Variants in PCDHGA12 observed in about 807,000 individuals in gnomAD.
The protein encoded by PCDHGA12 is protocadherin gamma-A12.
PCDHGA12 carries 43 observed loss-of-function variants against 61.1 expected under a neutral mutation model. The observed-to-expected ratio is 0.70, with a 90% confidence interval of 0.55 to 0.91. PCDHGA12 has a LOEUF of 0.91. Among genes scored for constraint, PCDHGA12 ranks in the 40% least tolerant of loss-of-function variants. The pLI is 0.00. For missense variants in PCDHGA12, 1,236 were observed against 1,227.7 expected (o/e 1.01, Z -0.10); for synonymous variants, 520 against 542.9 (o/e 0.96, Z 0.59).
Position 141,432,683 on chromosome 5 carries a change from C to T in PCDHGA12, c.1924C>T (p.Leu642Phe), listed in dbSNP as rs138402830. The T allele has an allele frequency of 4.8e-5, 78 of 1,613,968 alleles. No individual in the cohort carries two copies. In the African/African-American group the frequency reaches 9.5e-4, roughly 20 times the overall value. The change falls in exon 1 of 4, where the codon CTC becomes TTC. Residue 642 changes from leucine (L) to phenylalanine (F), a missense_variant. Leu to Phe is a conservative substitution (Grantham distance 22). Transcript: ENST00000252085. The surrounding 1 kb of genome is among the most constrained non-coding windows in gnomAD (Gnocchi z 6.0). ...LLDRDALKQS[L>F]VVAVQDHGQP... ...GGACAGAGACGCGCTCAAGCAGAGC[C>T]TCGTAGTGGCCGTCCAGGACCACGG...
At chr5:141,465,318 A>G (rs1440554123) in intron 1 of PCDHGA12, among the ~76,000 whole-genome samples, 1 of 152,198 alleles carries the variant, frequency 6.6e-6, no homozygotes, top group Non-Finnish European at 1.5e-5. Flanking sequence ...AGCCATGTCA[A>G]TGCAGTATTT....
At chr5:141,492,710 G>A (rs11953270) in intron 1 of PCDHGA12, among the ~76,000 whole-genome samples, 27,341 of 152,278 alleles carry the variant, frequency 0.18, 2,647 homozygotes, top group Admixed American at 0.28. Flanking sequence ...GAAGCCTCGA[G>A]CAGGCGGACA....
intron 1 of PCDHGA12, among the ~76,000 whole-genome samples, chr5:141,444,463 G>T (rs570185430): frequency 6.6e-6 from 1 of 152,144 alleles, no homozygotes; most frequent in Admixed American, 6.5e-5. Flanking sequence ...GAGTCACTGC[G>T]CCCGGTCGCG....
chr5:141,489,530 G>A lies in PCDHGA12; in HGVS notation c.2425-5277G>A. 6.2e-7 allele frequency: 1 copy of A among 1,614,092 alleles called. No homozygotes were observed. Among genetic ancestry groups the A allele is most frequent in the Non-Finnish European group, 8.5e-7 (1 of 1,180,022 alleles). On this transcript the variant is annotated intron_variant, in intron 1 of 3. Transcript: ENST00000252085. This position sits in a 1 kb window ranked among gnomAD's most constrained non-coding sequence, Gnocchi z 4.5. ...AAGATTGACCGAGAAAGCCTATGTGGAGCCAGCACCAGCTGCCTGCTGCCA... is the reference window on the plus strand; with the variant it reads ...AAGATTGACCGAGAAAGCCTATGTGAAGCCAGCACCAGCTGCCTGCTGCCA...
intron 1 of PCDHGA12, among the ~76,000 whole-genome samples, chr5:141,484,685 T>G (rs2099599013): frequency 6.6e-6 from 1 of 151,934 alleles, no homozygotes; most frequent in Non-Finnish European, 1.5e-5. Flanking sequence ...TTGCTAGGGC[T>G]CAGGCTGTGG....
intron 3 of PCDHGA12, among the ~76,000 whole-genome samples, chr5:141,509,907 C>T (rs149338646): frequency 3.3e-5 from 5 of 152,182 alleles, no homozygotes; most frequent in South Asian, 2.1e-4. Context: ...TTCCAGCATG[C>T]GCTTAGGTAC....
intron 1 of PCDHGA12, among the ~76,000 whole-genome samples, chr5:141,472,980 C>CAAAAA (rs60579131): frequency 1.7e-4 from 15 of 86,092 alleles, no homozygotes; most frequent in East Asian, 4.1e-4. Context: ...GAGTGAAACT[C>CAAAAA]AAAAAAAAAA....
intron 1 of PCDHGA12, among the ~76,000 whole-genome samples, chr5:141,442,703 C>A (rs1405830887): frequency 6.6e-6 from 1 of 152,218 alleles, no homozygotes; most frequent in Admixed American, 6.5e-5. Flanking sequence ...ACAAGAGTAT[C>A]AGACATGCCA....
At position 141,476,789 on chromosome 5, in the gene PCDHGA12, T is replaced by C; in HGVS notation, c.2425-18018T>C. ...GTTGGACGGAGGGACCCCAGCTCTC[T>C]CCGCCAGCCTGCCTATTCACATCAA... On this transcript the variant is annotated intron_variant, in intron 1 of 3. Transcript: ENST00000252085. The surrounding 1 kb of genome is among the most constrained non-coding windows in gnomAD (Gnocchi z 7.6). 1.2e-6 allele frequency: 2 copies of C among 1,613,374 alleles called. No individual in the cohort carries two copies. The highest frequency in any genetic ancestry group is 4.5e-5 in the East Asian group (2 of 44,864).
chr5:141,491,648 T>G lies in PCDHGA12; in HGVS notation c.2425-3159T>G, dbSNP rs756792762. 1 of 1,613,834 alleles carries G rather than the reference T, an allele frequency of 6.2e-7. No individual in the cohort carries two copies. Among genetic ancestry groups the G allele is most frequent in the Non-Finnish European group, 8.5e-7 (1 of 1,180,002 alleles). On this transcript the variant is annotated intron_variant, in intron 1 of 3. Coordinates refer to ENST00000252085, the MANE Select transcript of PCDHGA12 (RefSeq NM_003735.3). This position sits in a 1 kb window ranked among gnomAD's most constrained non-coding sequence, Gnocchi z 6.9. Reference sequence around the variant, plus strand: ...GTTCAGCAGCCCACAGCTCTGGCGCTGGAGCCTGACGCCATCCGGTCCCGC... The same window carrying G: ...GTTCAGCAGCCCACAGCTCTGGCGCGGGAGCCTGACGCCATCCGGTCCCGC...
intron 1 of PCDHGA12, among the ~76,000 whole-genome samples, chr5:141,438,596 A>G (rs1303292978): frequency 2.8e-5 from 1 of 35,176 alleles, no homozygotes; most frequent in Non-Finnish European, 6.2e-5. Context: ...ACATACATAT[A>G]TATATATATA....
At position 141,490,712 on chromosome 5, in the gene PCDHGA12, A is replaced by T; in HGVS notation, c.2425-4095A>T. The stretch of plus-strand genomic sequence containing the variant: ...ACTGGGGATAATGCCCGCCTCACCT[A>T]CTCCATTGTAGGAAATCAGGTTCAG... On this transcript the variant is annotated intron_variant, in intron 1 of 3. Transcript: ENST00000252085. The surrounding 1 kb of genome is among the most constrained non-coding windows in gnomAD (Gnocchi z 5.4). The T allele has an allele frequency of 6.2e-7, 1 of 1,613,686 alleles. No homozygotes were observed. The highest frequency in any genetic ancestry group is 8.5e-7 in the Non-Finnish European group (1 of 1,179,894).
In PCDHGA12 at chr5:141,487,439, T is replaced by C. The variant is rs201458212; in HGVS notation, c.2425-7368T>C. 1 of 1,613,926 alleles carries C rather than the reference T, an allele frequency of 6.2e-7. No individual in the cohort carries two copies. Among genetic ancestry groups the C allele is most frequent in the South Asian group, 1.1e-5 (1 of 91,066 alleles). ...TGGGATCCTCCGAATCCAGCTAGGG[T>C]CAGATGACCCTATCAAGTTTGTTGA... is the stretch of plus-strand genomic sequence containing the variant. On this transcript the variant is annotated intron_variant, in intron 1 of 3. Transcript: ENST00000252085. This position sits in a 1 kb window ranked among gnomAD's most constrained non-coding sequence, Gnocchi z 5.0.
intron 1 of PCDHGA12, among the ~76,000 whole-genome samples, chr5:141,454,170 G>A (rs2098782662): frequency 6.6e-6 from 1 of 152,162 alleles, no homozygotes; most frequent in Admixed American, 6.5e-5. Context: ...TCTCTAGAAG[G>A]GCAGCTAAAG....
rs1405589878 is a variant in PCDHGA12 at position 141,504,323 on chromosome 5, T to A, written c.2484-1070T>A. On this transcript the variant is annotated intron_variant, in intron 2 of 3. Transcript: ENST00000252085. ...CACTCGGAGTTTCTAAAAGTCTCAC[T>A]TAGGTCCAAGTGCTAGGCTTTGTGC... Among the ~76,000 whole-genome samples, 4 of 152,114 alleles carry A rather than the reference T, an allele frequency of 2.6e-5. No individual in the cohort carries two copies. In the East Asian group the frequency reaches 7.7e-4, roughly 29 times the overall value.
chr5:141,478,387 C>T, intron 1 of PCDHGA12: 1 of 1,613,642 alleles, frequency 6.2e-7, no homozygotes, highest in Non-Finnish European at 8.5e-7. Context: ...CGCACCTTTA[C>T]CATCAGGTGT....
rs1332743231 is a variant in PCDHGA12 at position 141,432,967 on chromosome 5, G to A, written c.2208G>A (p.Pro736=). 4 of 1,614,192 alleles carry A rather than the reference G, an allele frequency of 2.5e-6. No homozygotes were observed. In the East Asian group the frequency reaches 6.7e-5, roughly 27 times the overall value. Residue 736 remains proline (P), a synonymous_variant, in exon 1 of 4, where the codon CCG becomes CCA. Coordinates refer to ENST00000252085, the MANE Select transcript of PCDHGA12 (RefSeq NM_003735.3). The surrounding 1 kb of genome is among the most constrained non-coding windows in gnomAD (Gnocchi z 6.0). The stretch of plus-strand genomic sequence containing the variant: ...CAGGAGGCGGCTTGACAGGAGCGCC[G>A]GCGTCGCACTTTGTGGGCGTGGACG... ...QASGGGLTGA[P]ASHFVGVDGV...
In PCDHGA12 at chr5:141,489,681, A is replaced by T; in HGVS notation, c.2425-5126A>T. ...AGATGCGCATCTCAGAATCAGCAGC[A>T]TCTGGGGCACGATTCCCACTGGACA... On this transcript the variant is annotated intron_variant, in intron 1 of 3. Transcript: ENST00000252085. This position sits in a 1 kb window ranked among gnomAD's most constrained non-coding sequence, Gnocchi z 4.5. 1 of 1,614,174 alleles carries T rather than the reference A, an allele frequency of 6.2e-7. No individual in the cohort carries two copies. The highest frequency in any genetic ancestry group is 8.5e-7 in the Non-Finnish European group (1 of 1,180,010).
rs1190624035 is a variant in PCDHGA12, at chr5:141,432,332, T to G, written c.1573T>G (p.Phe525Val). ...GCTGAGCTCCTTCGACTACGAGCAG[T>G]TCCGAGACTTGCAAGTGAAAGTGAT... The part of the protein sequence containing the change: ...YALSSFDYEQ[F>V]RDLQVKVMAR... Residue 525 changes from phenylalanine to valine, a missense_variant, in exon 1 of 4, where the codon TTC (phenylalanine) becomes GTC (valine). By Grantham distance (50) the Phe-to-Val change is conservative. Coordinates refer to ENST00000252085, the MANE Select transcript of PCDHGA12 (RefSeq NM_003735.3). The surrounding 1 kb of genome is among the most constrained non-coding windows in gnomAD (Gnocchi z 6.0). The G allele has an allele frequency of 2.5e-6, 4 of 1,614,116 alleles. No homozygotes were observed. In the African/African-American group the frequency reaches 5.3e-5, roughly 22 times the overall value.
Sources: allele counts gnomAD v4.1 joint callset (sites outside exome capture counted in the v4.1 genomes callset), GRCh38; gene constraint gnomAD v4.1.1; non-coding constraint Gnocchi (gnomAD v3.1); transcripts MANE v1.5; gene names NCBI Gene and HGNC (gene_info 2026-07-23, HGNC 2026-07-21).